BBS9: variants seen among roughly 807,000 people sequenced by gnomAD.
BBS9 encodes protein PTHB1.
BBS9 carries 89 observed loss-of-function variants against 117.7 expected under a neutral mutation model. The observed-to-expected ratio is 0.76, with a 90% CI of 0.64 to 0.90. BBS9 has a LOEUF of 0.90. Among genes scored for constraint, BBS9 ranks in the 40% least tolerant of loss-of-function variants. BBS9 has a pLI of 0.00. For missense variants in BBS9, 982 were observed against 1,042.2 expected (o/e 0.94, Z 0.80); for synonymous variants, 379 against 370.9 (o/e 1.02, Z -0.25).
chr7:33,381,583 A>G (rs544469481), intron 17 of BBS9, among the ~76,000 whole-genome samples: 1 of 152,162 alleles, frequency 6.6e-6, no homozygotes, highest in Non-Finnish European at 1.5e-5. Flanking sequence ...GCCCCGCCAC[A>G]ACTGTACTAT....
intron 19 of BBS9, among the ~76,000 whole-genome samples, chr7:33,402,818 A>T (rs1829135413): frequency 6.6e-6 from 1 of 152,032 alleles, no homozygotes; most frequent in Admixed American, 6.6e-5. Context: ...AGTACCCGAG[A>T]GGTAGTTTTT....
chr7:33,168,508 A>T lies in BBS9; in HGVS notation c.329-8970A>T, dbSNP rs537642325. Among the ~76,000 whole-genome samples the T allele has an allele frequency of 1.8e-4, 28 of 152,318 alleles. 1 individual carries two copies. Among genetic ancestry groups the T allele is most frequent in the Admixed American group, 1.4e-3 (22 of 15,298 alleles). ...TTACTGTGTCTTATTAATAAATGCT[A>T]CACAAATTTTTGTTCAAAAGAGAAA... On this transcript the variant is annotated intron_variant, in intron 4 of 22. Coordinates refer to ENST00000242067, the MANE Select transcript of BBS9 (RefSeq NM_198428.3).
intron 12 of BBS9, among the ~76,000 whole-genome samples, chr7:33,345,093 ATC>A (rs1018703242): frequency 5.3e-5 from 8 of 152,218 alleles, no homozygotes; most frequent in African/African-American, 1.9e-4. Context: ...ATTTCCAGCC[ATC>A]TCTCTGCCTT....
chr7:33,539,774 C>T (rs745785882), intron 21 of BBS9, among the ~76,000 whole-genome samples: 11 of 152,196 alleles, frequency 7.2e-5, no homozygotes, highest in Non-Finnish European at 1.0e-4. Context: ...ACTGGCCTTG[C>T]GTGTGACAGG....
intron 19 of BBS9, among the ~76,000 whole-genome samples, chr7:33,401,678 CAA>C (rs1322607010): frequency 6.6e-6 from 1 of 152,176 alleles, no homozygotes; most frequent in African/African-American, 2.4e-5. Context: ...TGGGTTAAGA[CAA>C]GAGATCCTGG....
chr7:33,391,203 A>T (rs1217091857), intron 19 of BBS9, among the ~76,000 whole-genome samples: 1 of 152,074 alleles, frequency 6.6e-6, no homozygotes, highest in Non-Finnish European at 1.5e-5. Context: ...GATTTACTTG[A>T]TGGATTAGTC....
At chr7:33,497,406 C>T (rs1046488918) in intron 19 of BBS9, among the ~76,000 whole-genome samples, 40 of 152,074 alleles carry the variant, frequency 2.6e-4, no homozygotes, top group Admixed American at 3.9e-4. Context: ...ATGTGTACCT[C>T]GTACTGGAAA....
At chr7:33,234,669 C>A (rs1161510112) in intron 5 of BBS9, among the ~76,000 whole-genome samples, 2 of 151,568 alleles carry the variant, frequency 1.3e-5, no homozygotes, top group African/African-American at 4.8e-5. Flanking sequence ...ATATCTATAT[C>A]TTTTTATCTA....
chr7:33,294,823 A>C (rs1804923119), intron 9 of BBS9, among the ~76,000 whole-genome samples: 1 of 152,220 alleles, frequency 6.6e-6, no homozygotes, highest in South Asian at 2.1e-4. Context: ...GTAAACTGAC[A>C]CAATAAAAAT....
chr7:33,421,421 G>GGT (rs1054460417), intron 19 of BBS9, among the ~76,000 whole-genome samples: 6 of 152,070 alleles, frequency 3.9e-5, no homozygotes, highest in African/African-American at 1.4e-4. Context: ...GATGATACTT[G>GGT]GTGTGTATGT....
chr7:33,525,011 GT>G (rs2129047588), intron 20 of BBS9, among the ~76,000 whole-genome samples: 1 of 152,200 alleles, frequency 6.6e-6, no homozygotes, highest in Admixed American at 6.5e-5. Context: ...TATGTATCCA[GT>G]AGTCATTCAG....
At chr7:33,178,592 C>T (rs1797667341) in intron 5 of BBS9, among the ~76,000 whole-genome samples, 1 of 151,938 alleles carries the variant, frequency 6.6e-6, no homozygotes, top group African/African-American at 2.4e-5. Context: ...TTGTGTGACT[C>T]TGTGTGCATA....
At chr7:33,616,176 T>C (rs964910657) in intron 21 of BBS9, among the ~76,000 whole-genome samples, 13 of 148,294 alleles carry the variant, frequency 8.8e-5, no homozygotes, top group Admixed American at 2.0e-4. Flanking sequence ...TTGATTGATC[T>C]AACAGATAAT....
intron 4 of BBS9, among the ~76,000 whole-genome samples, chr7:33,175,311 AAT>A (rs1797181517): frequency 6.6e-6 from 1 of 151,870 alleles, no homozygotes; most frequent in African/African-American, 2.4e-5. Flanking sequence ...AAAAAATAAA[AAT>A]AAAAAAAAAA....
At chr7:33,214,268 A>T (rs1178954703) in intron 5 of BBS9, among the ~76,000 whole-genome samples, 1 of 152,140 alleles carries the variant, frequency 6.6e-6, no homozygotes, top group Non-Finnish European at 1.5e-5. Context: ...ATATCAGGGC[A>T]GCACTGAGTT....
chr7:33,177,744 A>T (rs1226953548), intron 5 of BBS9, 153 bp downstream of exon 5: 1 of 663,290 alleles, frequency 1.5e-6, no homozygotes. Context: ...AAGCAAGTCT[A>T]TGGCCATACC....
chr7:33,285,209 T>C (rs1802651992), intron 9 of BBS9, among the ~76,000 whole-genome samples: 1 of 152,164 alleles, frequency 6.6e-6, no homozygotes, highest in African/African-American at 2.4e-5. Context: ...CTGTACAGTT[T>C]TCTGGTTCAT....
At chr7:33,133,337 C>G (rs1177380754) in intron 1 of BBS9, among the ~76,000 whole-genome samples, 1 of 152,150 alleles carries the variant, frequency 6.6e-6, no homozygotes, top group Non-Finnish European at 1.5e-5. Context: ...GTAACCATTA[C>G]CACAGCCAAG....
chr7:33,280,695 A>G (rs1801638680), intron 9 of BBS9, among the ~76,000 whole-genome samples: 1 of 147,816 alleles, frequency 6.8e-6, no homozygotes, highest in Non-Finnish European at 1.5e-5. Flanking sequence ...TAAATACTTA[A>G]AAGTCATTGT....
Sources: allele counts gnomAD v4.1 joint callset (sites outside exome capture counted in the v4.1 genomes callset), GRCh38; gene constraint gnomAD v4.1.1; transcripts MANE v1.5; gene names NCBI Gene and HGNC (gene_info 2026-07-23, HGNC 2026-07-21).